The following SPIDR variants were observed in gnomAD, a reference collection of about 807,000 sequenced individuals.
SPIDR encodes the protein scaffold protein involved in DNA repair.
Under a neutral mutation model 104.6 loss-of-function variants are expected in SPIDR, and 93 were observed. That is an observed-to-expected ratio of 0.89 (90% CI 0.75 to 1.06). The LOEUF (loss-of-function observed/expected upper bound fraction) is 1.06, where lower values mean the gene tolerates loss of function less well. Ranked by LOEUF, SPIDR falls within the 50% of genes least tolerant of loss-of-function variation. SPIDR has a pLI of 0.00. For synonymous variants in SPIDR, 431 were observed against 416.9 expected (o/e 1.03, Z -0.41); for missense variants, 1,154 against 1,111.2 (o/e 1.04, Z -0.55).
At chr8:47,376,089 G>C (rs1461678968) in intron 5 of SPIDR, among the ~76,000 whole-genome samples, 1 of 152,154 alleles carries the variant, frequency 6.6e-6, no homozygotes, top group Admixed American at 6.5e-5. Context: ...GATTGTGTTA[G>C]ACACACTTTG....
In SPIDR at chr8:47,308,781, T is replaced by A. The variant is rs1247724007; in HGVS notation, c.525+14751T>A. 3.3e-5 allele frequency among the ~76,000 whole-genome samples: 5 copies of A among 152,214 alleles called. No homozygotes were observed. In the East Asian group the frequency reaches 9.7e-4, roughly 29 times the overall value. ...CATGCCCTATATTTGGAAGAGAGGG[T>A]CCTTTTTGCCTGTCCTTGGTTCCTG... On this transcript the variant is annotated intron_variant, in intron 5 of 19. Coordinates refer to ENST00000297423, the MANE Select transcript of SPIDR (RefSeq NM_001080394.4).
chr8:47,691,403 G>A (rs535943258), intron 11 of SPIDR, among the ~76,000 whole-genome samples: 3 of 152,126 alleles, frequency 2.0e-5, no homozygotes, highest in African/African-American at 7.2e-5. Flanking sequence ...GGTATTCATA[G>A]GCTATTCTTA....
chr8:47,476,437 C>G (rs1400223522), intron 8 of SPIDR, among the ~76,000 whole-genome samples: 1 of 152,114 alleles, frequency 6.6e-6, no homozygotes, highest in Non-Finnish European at 1.5e-5. Flanking sequence ...AGCATGCGGC[C>G]AATAAGCAGC....
At chr8:47,475,259 G>A (rs2076147932) in intron 8 of SPIDR, among the ~76,000 whole-genome samples, 1 of 152,216 alleles carries the variant, frequency 6.6e-6, no homozygotes, top group Non-Finnish European at 1.5e-5. Context: ...CAGGCTGTTA[G>A]CACACCCTGC....
chr8:47,521,440 CTTTTTTTTT>C (rs751917193), intron 8 of SPIDR, among the ~76,000 whole-genome samples: 1 of 137,566 alleles, frequency 7.3e-6, no homozygotes, highest in Non-Finnish European at 1.6e-5. Flanking sequence ...ATTTTTTTTT[CTTTTTTTTT>C]TTTTTGAGAC....
intron 8 of SPIDR, among the ~76,000 whole-genome samples, chr8:47,451,683 C>T (rs1313201975): frequency 1.3e-5 from 2 of 152,054 alleles, no homozygotes; most frequent in Non-Finnish European, 2.9e-5. Flanking sequence ...AAATTGAACT[C>T]CTTCTGTCTG....
chr8:47,451,097 T>G (rs1410557954), intron 8 of SPIDR, among the ~76,000 whole-genome samples: 3 of 152,224 alleles, frequency 2.0e-5, no homozygotes, highest in African/African-American at 7.2e-5. Context: ...ATATTGGAAT[T>G]ATTAGTCAAA....
At chr8:47,685,523 T>TTTTTTTTTTTTG (rs1249466102) in intron 11 of SPIDR, among the ~76,000 whole-genome samples, 1 of 149,154 alleles carries the variant, frequency 6.7e-6, no homozygotes, top group Non-Finnish European at 1.5e-5. Context: ...ATTTATTTTT[T>TTTTTTTTTTTTG]TGAGACAGTC....
intron 8 of SPIDR, among the ~76,000 whole-genome samples, chr8:47,487,117 A>G (rs2077769613): frequency 6.6e-6 from 1 of 152,244 alleles, no homozygotes; most frequent in Non-Finnish European, 1.5e-5. Flanking sequence ...TCTGATGTGC[A>G]GAGACACACA....
At position 47,619,583 on chromosome 8, in the gene SPIDR, C is replaced by T. The variant is rs114152005; in HGVS notation, c.1544+20387C>T. Among the ~76,000 whole-genome samples, 1,278 of 151,806 alleles carry T rather than the reference C, an allele frequency of 8.4e-3. 15 individuals carry two copies. Among genetic ancestry groups the T allele is most frequent in the South Asian group, 0.023 (108 of 4,790 alleles). On this transcript the variant is annotated intron_variant, in intron 10 of 19. Transcript: ENST00000297423. ...AGGATCAGTCTGTTTGCTTTTTCTACATGATACTCTGAATATGCATATATG... is the reference window on the plus strand; with the variant it reads ...AGGATCAGTCTGTTTGCTTTTTCTATATGATACTCTGAATATGCATATATG...
chr8:47,699,256 A>G (rs999092619), intron 11 of SPIDR, among the ~76,000 whole-genome samples: 2 of 152,228 alleles, frequency 1.3e-5, no homozygotes, highest in African/African-American at 4.8e-5. Flanking sequence ...TAGGTGCTGC[A>G]CATACGTTCT....
intron 11 of SPIDR, among the ~76,000 whole-genome samples, chr8:47,685,517 A>ATTTATTTATTTTT (rs761792229): frequency 3.1e-5 from 4 of 130,098 alleles, no homozygotes; most frequent in African/African-American, 5.3e-5. Context: ...TTATTTATTT[A>ATTTATTTATTTTT]TTTTTTTGAG....
intron 5 of SPIDR, among the ~76,000 whole-genome samples, chr8:47,302,838 AGGTG>A (rs1432558231): frequency 1.4e-4 from 22 of 152,158 alleles, no homozygotes; most frequent in Non-Finnish European, 2.8e-4. Flanking sequence ...TGGCCATGTG[AGGTG>A]TCAGTCTGCC....
intron 10 of SPIDR, among the ~76,000 whole-genome samples, chr8:47,608,289 T>G (rs1011260918): frequency 1.3e-5 from 2 of 152,250 alleles, no homozygotes; most frequent in Non-Finnish European, 2.9e-5. Context: ...TTCCTTGTTA[T>G]GGATGAATAA....
At chr8:47,693,592 A>G (rs1309765754) in intron 11 of SPIDR, among the ~76,000 whole-genome samples, 1 of 152,132 alleles carries the variant, frequency 6.6e-6, no homozygotes, top group East Asian at 1.9e-4. Context: ...TCTGTCATCT[A>G]GGCACTGGGA....
intron 8 of SPIDR, among the ~76,000 whole-genome samples, chr8:47,466,142 A>G (rs116654471): frequency 0.026 from 3,917 of 152,296 alleles, 131 homozygotes; most frequent in East Asian, 0.089. Context: ...AAAGATGTTC[A>G]GGACCTAAAC....
chr8:47,587,571 T>C (rs1172953175), intron 8 of SPIDR, among the ~76,000 whole-genome samples: 7 of 147,148 alleles, frequency 4.8e-5, no homozygotes, highest in African/African-American at 1.8e-4. Flanking sequence ...GATGTTGCCA[T>C]TGCACTCCAG....
At chr8:47,426,359 A>G (rs1554684823) in intron 7 of SPIDR, among the ~76,000 whole-genome samples, 1 of 151,922 alleles carries the variant, frequency 6.6e-6, no homozygotes, top group Admixed American at 6.6e-5. Context: ...TTGATGCCTT[A>G]TGCCTTTTTA....
chr8:47,501,396 T>C (rs1353810835), intron 8 of SPIDR, among the ~76,000 whole-genome samples: 1 of 152,174 alleles, frequency 6.6e-6, no homozygotes, highest in Non-Finnish European at 1.5e-5. Flanking sequence ...TTTTATTCTC[T>C]TTGAAGCAAT....
Sources: gnomAD v4.1 joint callset for allele counts (sites outside exome capture counted in the v4.1 genomes callset) on GRCh38, gnomAD v4.1.1 for gene constraint, MANE v1.5 for transcripts, NCBI Gene and HGNC (gene_info 2026-07-23, HGNC 2026-07-21) for gene names.